C12orf42: variants seen among roughly 807,000 people sequenced by gnomAD.
C12orf42 encodes the protein chromosome 12 open reading frame 42.
In C12orf42, 25 loss-of-function variants were observed where a neutral mutation model predicts 21.6. The observed-to-expected ratio is 1.16, with a 90% CI of 0.84 to 1.62. The LOEUF is 1.62. C12orf42 is among the 40% of genes most tolerant of loss of function. C12orf42 has a pLI of 0.00. For synonymous variants in C12orf42, 174 were observed against 175.0 expected (o/e 0.99, Z 0.05); for missense variants, 483 against 459.3 (o/e 1.05, Z -0.47).
chr12:103,355,722 A>G (rs2043486839), intron 4 of C12orf42, among the ~76,000 whole-genome samples: 1 of 152,012 alleles, frequency 6.6e-6, no homozygotes, highest in Non-Finnish European at 1.5e-5. Context: ...TTTGAGCACC[A>G]TGACTCTAGA....
At chr12:103,195,336 T>C in the C12orf42 span, among the ~76,000 whole-genome samples, 1 of 152,204 alleles carries the variant, frequency 6.6e-6, no homozygotes, top group Non-Finnish European at 1.5e-5. Context: ...GGTTGAATGA[T>C]GGTTCTGTTT....
chr12:103,348,586 T>C (rs1298463197), intron 4 of C12orf42, among the ~76,000 whole-genome samples: 1 of 152,200 alleles, frequency 6.6e-6, no homozygotes, highest in Non-Finnish European at 1.5e-5. Context: ...TAATAGGTAC[T>C]TTTCCATAGC....
intron 4 of C12orf42, among the ~76,000 whole-genome samples, chr12:103,359,775 C>T (rs116038797): frequency 6.6e-6 from 1 of 151,870 alleles, no homozygotes; most frequent in African/African-American, 2.4e-5. Flanking sequence ...AAGGCATATT[C>T]CAAGAGGGCA....
intron 4 of C12orf42, among the ~76,000 whole-genome samples, chr12:103,292,665 C>A (rs2036898408): frequency 6.6e-6 from 1 of 151,990 alleles, no homozygotes; most frequent in African/African-American, 2.4e-5. Flanking sequence ...TTATGTATAG[C>A]TTTGAAAATG....
At chr12:103,321,194 A>G (rs2136863225) in intron 4 of C12orf42, among the ~76,000 whole-genome samples, 1 of 151,712 alleles carries the variant, frequency 6.6e-6, no homozygotes, top group East Asian at 2.0e-4. Flanking sequence ...CCCATCACAA[A>G]GTGGGCGAAG....
the C12orf42 span, among the ~76,000 whole-genome samples, chr12:103,147,338 T>C: frequency 6.6e-6 from 1 of 152,062 alleles, no homozygotes; most frequent in East Asian, 1.9e-4. Flanking sequence ...CTAGTAAGAA[T>C]TTTCAGGTCA....
At chr12:103,219,661 C>T in the C12orf42 span, among the ~76,000 whole-genome samples, 202 of 152,216 alleles carry the variant, frequency 1.3e-3, 1 homozygote, top group East Asian at 0.013. Flanking sequence ...TATGAAAAAC[C>T]GCTCATCATC....
At chr12:103,455,521 TC>T (rs2137561541) in intron 2 of C12orf42, among the ~76,000 whole-genome samples, 1 of 152,262 alleles carries the variant, frequency 6.6e-6, no homozygotes, top group East Asian at 1.9e-4. Flanking sequence ...CTCTTATGCA[TC>T]CTGGTTTGAC....
At chr12:103,483,036 T>G (rs1224070769) in intron 1 of C12orf42, among the ~76,000 whole-genome samples, 2 of 152,246 alleles carry the variant, frequency 1.3e-5, no homozygotes, top group African/African-American at 4.8e-5. Flanking sequence ...ATACTTAATT[T>G]CATATAATAT....
At chr12:103,089,303 T>G in the C12orf42 span, among the ~76,000 whole-genome samples, 2 of 152,048 alleles carry the variant, frequency 1.3e-5, no homozygotes, top group Admixed American at 1.3e-4. Context: ...ATGGTGAGAT[T>G]TTTTAAAAGA....
the C12orf42 span, among the ~76,000 whole-genome samples, chr12:103,054,214 A>G: frequency 6.6e-6 from 1 of 151,876 alleles, no homozygotes; most frequent in Admixed American, 6.6e-5. Flanking sequence ...CTTTCAATCC[A>G]TGATCATGGT....
chr12:103,068,932 C>CATAT, the C12orf42 span, among the ~76,000 whole-genome samples: 25 of 48,212 alleles, frequency 5.2e-4, 2 homozygotes, highest in Non-Finnish European at 8.7e-4. Context: ...TCTCTCTCTC[C>CATAT]ACATATATAT....
At chr12:103,164,527 T>C in the C12orf42 span, 2 of 445,880 alleles carry the variant, frequency 4.5e-6, no homozygotes, top group South Asian at 3.2e-5. Flanking sequence ...TGGGCATTGC[T>C]TGCATAACTT....
chr12:103,249,622 T>C (rs1478544263), intron 10 of C12orf42, among the ~76,000 whole-genome samples: 1 of 152,054 alleles, frequency 6.6e-6, no homozygotes, highest in Non-Finnish European at 1.5e-5. Context: ...CCTGGTTCAA[T>C]TCAATCCGAG....
chr12:103,534,256 A>G, the C12orf42 span, among the ~76,000 whole-genome samples: 2 of 152,222 alleles, frequency 1.3e-5, no homozygotes, highest in Non-Finnish European at 2.9e-5. Flanking sequence ...TCAAATAAAT[A>G]CCACAGAAAT....
At chr12:103,552,065 C>A in the C12orf42 span, among the ~76,000 whole-genome samples, 2 of 151,908 alleles carry the variant, frequency 1.3e-5, no homozygotes, top group Admixed American at 6.6e-5. Context: ...TTATTGTGAT[C>A]TCTTATGGAA....
the C12orf42 span, among the ~76,000 whole-genome samples, chr12:103,106,055 C>G: frequency 1.3e-5 from 2 of 152,114 alleles, no homozygotes; most frequent in Admixed American, 6.6e-5. Context: ...AACGGTGAAT[C>G]CATACCTGAT....
intron 2 of C12orf42, among the ~76,000 whole-genome samples, chr12:103,432,209 T>C (rs1364894285): frequency 6.6e-6 from 1 of 152,242 alleles, no homozygotes; most frequent in African/African-American, 2.4e-5. Flanking sequence ...TCAGCCATTT[T>C]GCCTCTTAGT....
the C12orf42 span, among the ~76,000 whole-genome samples, chr12:103,072,687 G>A: frequency 2.0e-5 from 3 of 152,084 alleles, no homozygotes; most frequent in African/African-American, 7.2e-5. Context: ...TCACCATGCT[G>A]TTTTCCACCA....
Sources: allele counts gnomAD v4.1 joint callset (sites outside exome capture counted in the v4.1 genomes callset), GRCh38; gene constraint gnomAD v4.1.1; transcripts MANE v1.5; gene names NCBI Gene and HGNC (gene_info 2026-07-23, HGNC 2026-07-21).